The following SUMF1 variants were observed in gnomAD, a reference collection of about 807,000 sequenced individuals.
SUMF1 encodes the protein sulfatase modifying factor 1, also known as formylglycine-generating enzyme.
In SUMF1, 48 loss-of-function variants were observed where a neutral mutation model predicts 47.6. That is an observed-to-expected ratio of 1.01 (90% CI 0.80 to 1.28). The LOEUF is 1.28. Ranked by LOEUF, SUMF1 falls within the 50% of genes most tolerant of loss-of-function variation. SUMF1 has a pLI of 0.00. For missense variants in SUMF1, 571 were observed against 485.4 expected (o/e 1.18, Z -1.66); for synonymous variants, 230 against 192.1 (o/e 1.20, Z -1.63).
intron 8 of SUMF1, among the ~76,000 whole-genome samples, chr3:4,085,500 C>T (rs956198260): frequency 1.3e-5 from 2 of 152,056 alleles, no homozygotes; most frequent in African/African-American, 4.8e-5. Context: ...CTTCAAAGAG[C>T]CATCAAATTA....
chr3:4,090,706 TG>T (rs2125052642), intron 8 of SUMF1, among the ~76,000 whole-genome samples: 1 of 152,290 alleles, frequency 6.6e-6, no homozygotes, highest in South Asian at 2.1e-4. Context: ...ATTTTCACTT[TG>T]CATTTATTCC....
intron 1 of SUMF1, among the ~76,000 whole-genome samples, chr3:4,460,944 C>T (rs928037594): frequency 1.3e-4 from 20 of 151,958 alleles, no homozygotes; most frequent in Non-Finnish European, 2.2e-4. Flanking sequence ...CATGAGCCAC[C>T]GCATCCCACC....
intron 8 of SUMF1, among the ~76,000 whole-genome samples, chr3:4,240,647 C>T (rs1696515292): frequency 6.6e-6 from 1 of 151,856 alleles, no homozygotes; most frequent in African/African-American, 2.4e-5. Context: ...TTATAAGCAA[C>T]CCAAGTATCA....
intron 8 of SUMF1, among the ~76,000 whole-genome samples, chr3:4,370,658 A>G (rs985154202): frequency 1.1e-4 from 17 of 152,312 alleles, no homozygotes; most frequent in African/African-American, 4.1e-4. Flanking sequence ...TCCCAGGGCC[A>G]TATCTGAAGA....
intron 8 of SUMF1, among the ~76,000 whole-genome samples, chr3:4,263,220 C>A (rs746925486): frequency 2.0e-5 from 3 of 152,076 alleles, no homozygotes; most frequent in Non-Finnish European, 2.9e-5. Flanking sequence ...TGTATAATCT[C>A]ATGTGGTCAG....
At chr3:4,179,775 A>C (rs1224998744) in intron 8 of SUMF1, among the ~76,000 whole-genome samples, 1 of 152,182 alleles carries the variant, frequency 6.6e-6, no homozygotes, top group African/African-American at 2.4e-5. Context: ...AATGGGAGAA[A>C]ATTTTTGTAA....
intron 8 of SUMF1, among the ~76,000 whole-genome samples, chr3:4,275,505 C>T (rs1457710353): frequency 6.6e-6 from 1 of 152,126 alleles, no homozygotes; most frequent in East Asian, 1.9e-4. Flanking sequence ...CCAGAACTCC[C>T]CACCTCCATC....
At position 4,286,972 on chromosome 3, in the gene SUMF1, G is replaced by T. The variant is rs1213568752; in HGVS notation, c.1014+89358C>A. On this transcript the variant is annotated intron_variant and NMD_transcript_variant, in intron 8 of 12. Transcript: ENST00000448413. ...GTCCAGGGATGCCTGGGATACCCGAGATCATTACAGGTGGTCTGCAATGTC... is the reference window on the plus strand; with the variant it reads ...GTCCAGGGATGCCTGGGATACCCGATATCATTACAGGTGGTCTGCAATGTC... Among the ~76,000 whole-genome samples the T allele has an allele frequency of 2.0e-5, 3 of 152,270 alleles. No homozygotes were observed. The East Asian group carries it at 5.8e-4, about 29-fold the overall frequency.
At chr3:4,351,740 C>T (rs916843048) in intron 8 of SUMF1, among the ~76,000 whole-genome samples, 1 of 152,096 alleles carries the variant, frequency 6.6e-6, no homozygotes, top group Non-Finnish European at 1.5e-5. Context: ...AATGTGTAGT[C>T]GTAGCCTCGG....
intron 8 of SUMF1, among the ~76,000 whole-genome samples, chr3:4,131,834 C>G (rs1238346610): frequency 6.6e-6 from 1 of 152,064 alleles, no homozygotes; most frequent in Non-Finnish European, 1.5e-5. Flanking sequence ...CTGGGGACAC[C>G]ACTCAGCCTC....
At chr3:4,346,955 C>CAA (rs1444894859) in intron 8 of SUMF1, among the ~76,000 whole-genome samples, 13 of 152,148 alleles carry the variant, frequency 8.5e-5, no homozygotes, top group Non-Finnish European at 1.6e-4. Context: ...AATTCCTGGA[C>CAA]ACATACACCC....
chr3:4,345,957 C>A (rs1430335202), intron 8 of SUMF1, among the ~76,000 whole-genome samples: 1 of 152,094 alleles, frequency 6.6e-6, no homozygotes, highest in African/African-American at 2.4e-5. Context: ...GTAAAGGGAT[C>A]AATGCAACAA....
intron 1 of SUMF1, among the ~76,000 whole-genome samples, chr3:4,457,094 A>ATT (rs1294538155): frequency 6.5e-5 from 9 of 137,506 alleles, no homozygotes; most frequent in African/African-American, 2.6e-4. Flanking sequence ...ATATATATAT[A>ATT]TTTTTTTTGT....
chr3:4,406,673 T>C (rs866504435), intron 7 of SUMF1, among the ~76,000 whole-genome samples: 1 of 151,772 alleles, frequency 6.6e-6, no homozygotes, highest in South Asian at 2.1e-4. Flanking sequence ...TAAAACAAAA[T>C]AAAACAAAAA....
intron 8 of SUMF1, among the ~76,000 whole-genome samples, chr3:4,073,493 C>T (rs994682160): frequency 2.6e-5 from 4 of 152,076 alleles, no homozygotes; most frequent in South Asian, 2.1e-4. Flanking sequence ...CAATACTAAC[C>T]TTAAATGTAA....
intron 8 of SUMF1, among the ~76,000 whole-genome samples, chr3:4,167,090 T>C (rs2686721): frequency 0.25 from 37,339 of 151,760 alleles, 5,404 homozygotes; most frequent in East Asian, 0.4. Context: ...GTGTCTGGAG[T>C]TGGTTCCTTC....
chr3:4,334,308 T>G (rs914057071), intron 8 of SUMF1, among the ~76,000 whole-genome samples: 1 of 152,226 alleles, frequency 6.6e-6, no homozygotes, highest in African/African-American at 2.4e-5. Context: ...ACGGTTGATT[T>G]TTTTGCTTTT....
At chr3:4,337,801 T>A (rs907570526) in intron 8 of SUMF1, among the ~76,000 whole-genome samples, 1 of 152,194 alleles carries the variant, frequency 6.6e-6, no homozygotes, top group Admixed American at 6.5e-5. Flanking sequence ...TGGGTTTGTT[T>A]TTGTTGCTTA....
At chr3:4,177,530 A>G (rs1694993537) in intron 8 of SUMF1, among the ~76,000 whole-genome samples, 1 of 152,214 alleles carries the variant, frequency 6.6e-6, no homozygotes, top group Non-Finnish European at 1.5e-5. Flanking sequence ...TCTGGGACAC[A>G]TTTAAAGAAG....
Sources: allele counts gnomAD v4.1 joint callset (sites outside exome capture counted in the v4.1 genomes callset), GRCh38; gene constraint gnomAD v4.1.1; transcripts MANE v1.5; gene names NCBI Gene and HGNC (gene_info 2026-07-23, HGNC 2026-07-21).